TCF20: variants seen among roughly 807,000 people sequenced by gnomAD.
The protein encoded by TCF20 is transcription factor 20.
In TCF20, 3 loss-of-function variants were observed where a neutral mutation model predicts 148.6. The ratio of observed to expected loss-of-function variants is 0.02; its 90% confidence interval spans 0.01 to 0.05. The LOEUF (loss-of-function observed/expected upper bound fraction) is 0.05, where lower values mean the gene tolerates loss of function less well. TCF20 is among the 10% of genes least tolerant of loss of function. TCF20 has a pLI of 1.00. For missense variants in TCF20, 2,350 were observed against 2,429.3 expected (o/e 0.97, Z 0.69); for synonymous variants, 1,049 against 909.5 (o/e 1.15, Z -2.76).
At chr22:42,219,627 G>A (rs961152290) in intron 1 of TCF20, among the ~76,000 whole-genome samples, 5 of 151,748 alleles carry the variant, frequency 3.3e-5, no homozygotes, top group African/African-American at 7.3e-5. Context: ...AGGTCAAGGC[G>A]GGCAGATCAC....
chr22:42,232,715 C>T (rs1488477041), intron 1 of TCF20, among the ~76,000 whole-genome samples: 3 of 150,846 alleles, frequency 2.0e-5, no homozygotes, highest in Non-Finnish European at 2.9e-5. Flanking sequence ...CCTGTGGTCC[C>T]AGCAACCCGG....
intron 2 of TCF20, among the ~76,000 whole-genome samples, chr22:42,193,287 A>C: frequency 6.8e-6 from 1 of 146,268 alleles, no homozygotes; most frequent in Non-Finnish European, 1.5e-5. Context: ...CTCCACCTAC[A>C]CTTTTTTTTT....
chr22:42,318,565 G>A (rs1250368690), intron 1 of TCF20, among the ~76,000 whole-genome samples: 6 of 152,094 alleles, frequency 3.9e-5, no homozygotes, highest in Non-Finnish European at 8.8e-5. Flanking sequence ...ATTCCAGGGA[G>A]CAGGCCCGGG....
At chr22:42,323,182 G>A (rs1407839380) in intron 1 of TCF20, among the ~76,000 whole-genome samples, 3 of 151,652 alleles carry the variant, frequency 2.0e-5, no homozygotes, top group East Asian at 1.9e-4. Context: ...GATTACAGGC[G>A]TGAGCCACCA....
intron 5 of TCF20, among the ~76,000 whole-genome samples, chr22:42,162,178 G>C (rs1647879914): frequency 6.6e-6 from 1 of 151,838 alleles, no homozygotes; most frequent in South Asian, 2.1e-4. Flanking sequence ...ATGTGGTTTT[G>C]CCATGTTAGG....
intron 3 of TCF20, among the ~76,000 whole-genome samples, chr22:42,173,929 T>G (rs988195502): frequency 6.6e-6 from 1 of 152,112 alleles, no homozygotes; most frequent in Non-Finnish European, 1.5e-5. Flanking sequence ...TTCTGTTAAA[T>G]AGAGATGCTA....
At chr22:42,328,717 G>T (rs908484479) in intron 1 of TCF20, among the ~76,000 whole-genome samples, 1 of 152,192 alleles carries the variant, frequency 6.6e-6, no homozygotes, top group African/African-American at 2.4e-5. Flanking sequence ...CTTAATCTAG[G>T]TGCTGGCACA....
intron 1 of TCF20, among the ~76,000 whole-genome samples, chr22:42,294,129 C>T (rs1328184239): frequency 1.3e-5 from 2 of 152,170 alleles, no homozygotes; most frequent in African/African-American, 4.8e-5. Flanking sequence ...CCCCGCAGGG[C>T]CAGCCTCACA....
At position 42,214,251 on chromosome 22, in the gene TCF20, A is replaced by G; in HGVS notation, c.1055T>C (p.Val352Ala). 2 of 1,614,084 alleles carry G rather than the reference A, an allele frequency of 1.2e-6. No homozygotes were observed. Among genetic ancestry groups the G allele is most frequent in the Non-Finnish European group, 1.7e-6 (2 of 1,179,994 alleles). The change falls in exon 2 of 6, where the codon GTT becomes GCT. Residue 352 changes from valine (V) to alanine (A), a missense_variant. Val to Ala is a moderately conservative substitution (Grantham distance 64). Coordinates refer to ENST00000677622, the MANE Select transcript of TCF20 (RefSeq NM_001378418.1). ...AAACTGCATGGGGGACCTCACAGGA[A>G]CCTCAGGCTGGTTGTACTGCCCCAC... is the stretch of plus-strand genomic sequence containing the variant. ...SQVGQYNQPE[V>A]PVRSPMQFHQ...
At chr22:42,295,048 C>T (rs1292306545) in intron 1 of TCF20, among the ~76,000 whole-genome samples, 1 of 152,174 alleles carries the variant, frequency 6.6e-6, no homozygotes, top group East Asian at 1.9e-4. Context: ...CAGCCATGGG[C>T]AAGGGACCTG....
At chr22:42,168,496 T>C (rs1935923111) in intron 5 of TCF20, 113 bp downstream of exon 5, 1 of 1,438,300 alleles carries the variant, frequency 7.0e-7, no homozygotes, top group Non-Finnish European at 9.3e-7. Flanking sequence ...CCTGGCGTTG[T>C]CATCCACAGG....
chr22:42,270,724 G>C (rs989160191), upstream of TCF20, among the ~76,000 whole-genome samples: 1 of 142,284 alleles, frequency 7.0e-6, no homozygotes, highest in Non-Finnish European at 1.6e-5. Context: ...GCGGGAGGGC[G>C]CGCGGCGGGG....
chr22:42,246,942 G>A (rs1189938091), intron 1 of TCF20, among the ~76,000 whole-genome samples: 2 of 150,368 alleles, frequency 1.3e-5, no homozygotes, highest in African/African-American at 2.5e-5. Context: ...CTCCAGCCTG[G>A]GGGACAGAGC....
At chr22:42,343,004 A>G (rs951698562) in intron 1 of TCF20, among the ~76,000 whole-genome samples, 2 of 152,236 alleles carry the variant, frequency 1.3e-5, no homozygotes, top group Admixed American at 6.5e-5. Context: ...AGCAAGGCTG[A>G]AATAAAAAAC....
chr22:42,237,294 A>C (rs1923973569), intron 1 of TCF20, among the ~76,000 whole-genome samples: 1 of 152,126 alleles, frequency 6.6e-6, no homozygotes, highest in African/African-American at 2.4e-5. Context: ...CATCTCAATA[A>C]ATCACTTTCT....
At chr22:42,253,083 A>G (rs1302123736) in intron 1 of TCF20, among the ~76,000 whole-genome samples, 6 of 152,182 alleles carry the variant, frequency 3.9e-5, no homozygotes, top group Non-Finnish European at 5.9e-5. Context: ...AAAAACAACA[A>G]AACAAAAACT....
chr22:42,301,034 G>A (rs561491533), intron 1 of TCF20, among the ~76,000 whole-genome samples: 4 of 152,226 alleles, frequency 2.6e-5, no homozygotes, highest in East Asian at 3.9e-4. Context: ...GTAGGGTGGC[G>A]GTAGGGGAGT....
intron 2 of TCF20, among the ~76,000 whole-genome samples, chr22:42,186,255 G>C (rs1233487259): frequency 6.6e-6 from 1 of 152,136 alleles, no homozygotes; most frequent in Non-Finnish European, 1.5e-5. Flanking sequence ...AAAAAACTGA[G>C]GGTGTCAGCA....
intron 3 of TCF20, among the ~76,000 whole-genome samples, chr22:42,174,452 G>A (rs742089): frequency 0.33 from 50,777 of 152,014 alleles, 9,997 homozygotes; most frequent in Admixed American, 0.47. Context: ...ATGTGGCACC[G>A]GCCTGTCAGC....
Sources: gnomAD v4.1 joint callset for allele counts (sites outside exome capture counted in the v4.1 genomes callset) on GRCh38, gnomAD v4.1.1 for gene constraint, MANE v1.5 for transcripts, NCBI Gene and HGNC (gene_info 2026-07-23, HGNC 2026-07-21) for gene names.